Variants in PRKG1 observed in about 807,000 individuals in gnomAD.
PRKG1 encodes cGMP-dependent protein kinase 1.
In PRKG1, 35 loss-of-function variants were observed where a neutral mutation model predicts 88.1. The ratio of observed to expected loss-of-function variants is 0.40; its 90% CI spans 0.30 to 0.53. PRKG1 has a LOEUF of 0.53. PRKG1 is among the 20% of genes least tolerant of loss of function. The pLI is 0.59. For synonymous variants in PRKG1, 303 were observed against 292.5 expected (o/e 1.04, Z -0.37); for missense variants, 540 against 839.8 (o/e 0.64, Z 4.41).
intron 5 of PRKG1, among the ~76,000 whole-genome samples, chr10:51,946,231 C>T (rs11000240): frequency 0.1 from 15,718 of 152,102 alleles, 1,190 homozygotes; most frequent in East Asian, 0.3. Flanking sequence ...CACTGATACC[C>T]TTTCTTCCAG....
chr10:52,038,929 A>C (rs966394060), intron 5 of PRKG1, among the ~76,000 whole-genome samples: 2 of 152,146 alleles, frequency 1.3e-5, no homozygotes, highest in Non-Finnish European at 2.9e-5. Context: ...GGACAGTGAG[A>C]GAGGTTGGAG....
intron 4 of PRKG1, among the ~76,000 whole-genome samples, chr10:51,807,434 A>G (rs948416735): frequency 1.3e-5 from 2 of 152,180 alleles, no homozygotes; most frequent in African/African-American, 4.8e-5. Context: ...ATATAAAAAG[A>G]CGGGTTAACA....
intron 5 of PRKG1, chr10:51,909,729 G>A (rs1371915436): frequency 1.3e-5 from 2 of 151,878 alleles, no homozygotes; most frequent in East Asian, 1.9e-4. Flanking sequence ...GAAGTAGGAG[G>A]AAAATCAGGA....
chr10:52,072,177 T>C lies in PRKG1; in HGVS notation c.935+9546T>C, dbSNP rs1213556387. The stretch of plus-strand genomic sequence containing the variant: ...GTTTTGCTTTTTTTTTTTTTTTTTT[T>C]TTTTTTTACGTTTTTCATTTTAGTG... On this transcript the variant is annotated intron_variant, in intron 7 of 17. Coordinates refer to ENST00000373980, the MANE Select transcript of PRKG1 (RefSeq NM_006258.4). Among the ~76,000 whole-genome samples the C allele has an allele frequency of 2.0e-4, 30 of 147,906 alleles. 1 individual carries two copies. Among genetic ancestry groups the C allele is most frequent in the African/African-American group, 7.3e-4 (29 of 39,910 alleles).
At chr10:51,243,919 G>A (rs989576041) in intron 2 of PRKG1, among the ~76,000 whole-genome samples, 1 of 152,116 alleles carries the variant, frequency 6.6e-6, no homozygotes, top group Admixed American at 6.5e-5. Context: ...TACTGCTTTG[G>A]TAAATAAATT....
At chr10:52,107,286 AAG>A (rs1847449591) in intron 7 of PRKG1, among the ~76,000 whole-genome samples, 1 of 152,232 alleles carries the variant, frequency 6.6e-6, no homozygotes, top group Non-Finnish European at 1.5e-5. Flanking sequence ...TTTGAGAAAG[AAG>A]TACATTTTAG....
rs535132749 is a variant in PRKG1, at chr10:51,741,033, G to T, written c.593-63552G>T. 5.9e-5 allele frequency among the ~76,000 whole-genome samples: 9 copies of T among 151,972 alleles called. No homozygotes were observed. The South Asian group carries it at 1.5e-3, about 25-fold the overall frequency. Reference sequence around the variant, plus strand: ...CAGACGCAGAGAAGGAGCCAAGTGTGGGGACACCATCATACAATGCTAAGT... The same window carrying T: ...CAGACGCAGAGAAGGAGCCAAGTGTTGGGACACCATCATACAATGCTAAGT... On this transcript the variant is annotated intron_variant, in intron 3 of 17. Coordinates refer to ENST00000373980, the MANE Select transcript of PRKG1 (RefSeq NM_006258.4).
At chr10:51,616,709 T>G (rs1453468776) in intron 3 of PRKG1, among the ~76,000 whole-genome samples, 1 of 151,898 alleles carries the variant, frequency 6.6e-6, no homozygotes, top group Non-Finnish European at 1.5e-5. Context: ...TAGGCAGGGG[T>G]GAGGTAATCC....
rs1837532682 is a variant in PRKG1 at position 51,187,844 on chromosome 10, C to T, written c.478+34514C>T. Among the ~76,000 whole-genome samples the T allele has an allele frequency of 2.6e-5, 4 of 151,904 alleles. 1 individual carries two copies. Among genetic ancestry groups the T allele is most frequent in the South Asian group, 4.2e-4 (2 of 4,818 alleles). ...ATTATTTTTTTATGTGCTTCAGTTC[C>T]ACTAGGATGGTTAAAATTACCCAAA... is the stretch of plus-strand genomic sequence containing the variant. On this transcript the variant is annotated intron_variant, in intron 2 of 17. Transcript: ENST00000373980.
chr10:51,071,107 C>G (rs373745646), upstream of PRKG1, among the ~76,000 whole-genome samples: 13 of 152,286 alleles, frequency 8.5e-5, no homozygotes, highest in African/African-American at 3.1e-4. Flanking sequence ...ATTAAGTTTA[C>G]TACATGACAC....
At chr10:51,391,629 A>T (rs935769217) in intron 2 of PRKG1, among the ~76,000 whole-genome samples, 5 of 152,222 alleles carry the variant, frequency 3.3e-5, no homozygotes, top group African/African-American at 1.2e-4. Flanking sequence ...TGCTCTAGGC[A>T]GAGAAAGGAT....
In PRKG1 at chr10:52,272,443, T is replaced by C. The variant is rs768277302; in HGVS notation, c.1365T>C (p.Ala455=). 1 of 1,611,364 alleles carries C rather than the reference T, an allele frequency of 6.2e-7. No homozygotes were observed. The highest frequency in any genetic ancestry group is 1.1e-5 in the South Asian group (1 of 90,956). ...AATATTTGTATATGTTGATGGAAGC[T>C]TGTCTAGGTGGAGAGCTCTGGACCA... The part of the protein sequence containing the change: ...DSKYLYMLME[A]CLGGELWTIL... The change falls in exon 12 of 18, where the codon GCT becomes GCC. Residue 455 remains alanine, a synonymous_variant. Transcript: ENST00000373980.
At chr10:51,350,312 C>G (rs528522376) in intron 2 of PRKG1, among the ~76,000 whole-genome samples, 51 of 152,202 alleles carry the variant, frequency 3.4e-4, no homozygotes, top group African/African-American at 1.1e-3. Flanking sequence ...ATAAAGGAAC[C>G]CAGAGTACAG....
At chr10:52,285,182 C>T (rs1842089416) in intron 14 of PRKG1, among the ~76,000 whole-genome samples, 1 of 151,990 alleles carries the variant, frequency 6.6e-6, no homozygotes, top group South Asian at 2.1e-4. Context: ...GCTCAAGGAT[C>T]CATCTCCCCC....
intron 7 of PRKG1, among the ~76,000 whole-genome samples, chr10:52,072,243 G>A (rs973996759): frequency 1.5e-5 from 2 of 134,318 alleles, no homozygotes; most frequent in Non-Finnish European, 3.0e-5. Flanking sequence ...GATTATTCTC[G>A]TGAGGATTAT....
chr10:51,140,729 C>T (rs967148806), intron 1 of PRKG1, among the ~76,000 whole-genome samples: 1 of 152,172 alleles, frequency 6.6e-6, no homozygotes, highest in African/African-American at 2.4e-5. Context: ...TCCCTCTCTC[C>T]ATTCTCTTTG....
chr10:51,685,330 T>C (rs1840960472), intron 3 of PRKG1, among the ~76,000 whole-genome samples: 1 of 152,222 alleles, frequency 6.6e-6, no homozygotes, highest in Non-Finnish European at 1.5e-5. Flanking sequence ...TTAAAGATGC[T>C]GCGTGTCAAA....
chr10:51,081,833 T>G (rs1844119507), intron 1 of PRKG1, among the ~76,000 whole-genome samples: 1 of 152,202 alleles, frequency 6.6e-6, no homozygotes, highest in Non-Finnish European at 1.5e-5. Context: ...CATAGCTCAC[T>G]GCAGCTTCAA....
chr10:52,032,588 A>T (rs1420045144), intron 5 of PRKG1, among the ~76,000 whole-genome samples: 1 of 152,226 alleles, frequency 6.6e-6, no homozygotes, highest in Non-Finnish European at 1.5e-5. Context: ...TAAAATATTT[A>T]GTCATATTGT....
Sources: allele counts gnomAD v4.1 joint callset (sites outside exome capture counted in the v4.1 genomes callset), GRCh38; gene constraint gnomAD v4.1.1; transcripts MANE v1.5; gene names NCBI Gene and HGNC (gene_info 2026-07-23, HGNC 2026-07-21).